Variants in MTPAP observed in about 807,000 individuals in gnomAD.
MTPAP encodes the protein poly(A) RNA polymerase, mitochondrial.
In MTPAP, 23 loss-of-function variants were observed where a neutral mutation model predicts 48.7. That is an observed-to-expected ratio of 0.47 (90% CI 0.34 to 0.67). The LOEUF is 0.67. Among genes scored for constraint, MTPAP ranks in the 30% least tolerant of loss-of-function variants. The probability of loss-of-function intolerance (pLI) is 0.01; values close to 1 mark genes in which losing one functional copy is unlikely to be tolerated. For synonymous variants in MTPAP, 257 were observed against 254.1 expected (o/e 1.01, Z -0.11); for missense variants, 614 against 694.3 (o/e 0.88, Z 1.30).
At chr10:30,329,177 G>A (rs1834634538) in intron 4 of MTPAP, among the ~76,000 whole-genome samples, 1 of 151,980 alleles carries the variant, frequency 6.6e-6, no homozygotes, top group Non-Finnish European at 1.5e-5. Context: ...GAACCCAGGA[G>A]GCCAAGGTTG....
rs1366369753 is a variant in MTPAP, at chr10:30,340,227, C to CT, written c.553dup (p.Ser185LysfsTer21). On this transcript the variant is annotated frameshift_variant and splice_region_variant, in exon 3 of 9. Transcript: ENST00000263063. LOFTEE classifies it high-confidence loss of function. Reference sequence around the variant, plus strand: ...GTTGAGGTACACCTAAAAACTTACACTTTCTGCATAACAAAGTAATTCAAA... The same window carrying CT: ...GTTGAGGTACACCTAAAAACTTACACTTTTCTGCATAACAAAGTAATTCAAA... The CT allele has an allele frequency of 6.2e-7, 1 of 1,611,816 alleles. No homozygotes were observed. Among genetic ancestry groups the CT allele is most frequent in the Admixed American group, 1.7e-5 (1 of 60,016 alleles).
chr10:30,322,677 A>C, intron 5 of MTPAP, 60 bp from the exon 6 acceptor site: 1 of 1,214,696 alleles, frequency 8.2e-7, no homozygotes, highest in East Asian at 2.5e-5. Flanking sequence ...CAAGGGTAAA[A>C]TTAAACTCAA....
Position 30,339,372 on chromosome 10 carries a change from A to G in MTPAP, c.555+854T>C, listed in dbSNP as rs1262429890. On this transcript the variant is annotated intron_variant, in intron 3 of 8. Coordinates refer to ENST00000263063, the MANE Select transcript of MTPAP (RefSeq NM_018109.4). ...TGTGGTGGTGCACACCTGTAGTCCC[A>G]GCTACTTGGGCAGCTGAGGCATGAG... 3.3e-5 allele frequency among the ~76,000 whole-genome samples: 5 copies of G among 151,438 alleles called. No homozygotes were observed. In the East Asian group the frequency reaches 5.8e-4, roughly 18 times the overall value.
chr10:30,328,083 C>T (rs11007987), intron 4 of MTPAP, among the ~76,000 whole-genome samples: 17,148 of 152,084 alleles, frequency 0.11, 1,790 homozygotes, highest in East Asian at 0.52. Context: ...GCAAATAACA[C>T]ACATCATACA....
In MTPAP at chr10:30,323,526, T is replaced by C. The variant is rs369301680; in HGVS notation, c.993-909A>G. Reference sequence around the variant, plus strand: ...TCAGAATATGTATGTATTTATTTATTTGAGACGGAGTCTCGCTCTGTCGCC... The same window carrying C: ...TCAGAATATGTATGTATTTATTTATCTGAGACGGAGTCTCGCTCTGTCGCC... On this transcript the variant is annotated intron_variant, in intron 5 of 8. Coordinates refer to ENST00000263063, the MANE Select transcript of MTPAP (RefSeq NM_018109.4). 3.9e-5 allele frequency among the ~76,000 whole-genome samples: 6 copies of C among 152,248 alleles called. No individual in the cohort carries two copies. In the East Asian group the frequency reaches 9.7e-4, roughly 24 times the overall value.
intron 1 of MTPAP, among the ~76,000 whole-genome samples, chr10:30,342,970 G>A (rs970362479): frequency 1.3e-5 from 2 of 152,176 alleles, no homozygotes; most frequent in African/African-American, 2.4e-5. Context: ...GTCAACAAAT[G>A]AACTAAGTAT....
chr10:30,322,295 TA>T, intron 6 of MTPAP, 95 bp downstream of exon 6: 10 of 1,089,116 alleles, frequency 9.2e-6, no homozygotes, highest in Non-Finnish European at 1.3e-5. Flanking sequence ...ATTTTATGAC[TA>T]ATAAACAAAT....
intron 3 of MTPAP, 75 bp from the exon 4 acceptor site, chr10:30,337,102 A>C: frequency 1.5e-6 from 2 of 1,312,150 alleles, no homozygotes; most frequent in Middle Eastern, 5.1e-4. Flanking sequence ...TTTACTTTCA[A>C]AGATTTGGTG....
intron 1 of MTPAP, among the ~76,000 whole-genome samples, chr10:30,347,003 T>C (rs897492753): frequency 2.0e-5 from 3 of 152,216 alleles, no homozygotes; most frequent in African/African-American, 7.2e-5. Flanking sequence ...GTCAAACCAA[T>C]TGACCTTAAA....
intron 5 of MTPAP, among the ~76,000 whole-genome samples, chr10:30,324,710 T>G (rs1010612230): frequency 6.6e-6 from 1 of 151,818 alleles, no homozygotes; most frequent in Admixed American, 6.6e-5. Context: ...TTAAAAAGAA[T>G]AGAAGAAACA....
At position 30,313,601 on chromosome 10, in the gene MTPAP, A is replaced by G; in HGVS notation, c.*8T>C. The G allele has an allele frequency of 1.2e-6, 2 of 1,614,176 alleles. No individual in the cohort carries two copies. Among genetic ancestry groups the G allele is most frequent in the Middle Eastern group, 1.6e-4 (1 of 6,062 alleles). On this transcript the variant is annotated 3_prime_UTR_variant, in exon 9 of 9. Transcript: ENST00000263063. ...CTAAGCCCAGTTCTTTACACAATGTAGCAGCCATCATGTCTGAGTACTAAT... is the reference window on the plus strand; with the variant it reads ...CTAAGCCCAGTTCTTTACACAATGTGGCAGCCATCATGTCTGAGTACTAAT...
At position 30,340,179 on chromosome 10, in the gene MTPAP, T is replaced by TA. The variant is rs766033144; in HGVS notation, c.555+46dup. The TA allele has an allele frequency of 4.9e-6, 7 of 1,439,758 alleles. No homozygotes were observed. The African/African-American group carries it at 5.6e-5, about 12-fold the overall frequency. 89.2% of individuals were successfully genotyped at this position (1,439,758 alleles called of 1,614,324 possible). ...ATTTTACAGGAATCTTTATTGTTCA[T>TA]AAAAAAATACATAGTTCTAAAAGTT... On this transcript the variant is annotated intron_variant, in intron 3 of 8. Coordinates refer to ENST00000263063, the MANE Select transcript of MTPAP (RefSeq NM_018109.4).
rs1382822451 is a variant in MTPAP, at chr10:30,326,447, C to T, written c.969G>A (p.Gln323=). 1.2e-6 allele frequency: 2 copies of T among 1,614,116 alleles called. No homozygotes were observed. Among genetic ancestry groups the T allele is most frequent in the Non-Finnish European group, 1.7e-6 (2 of 1,180,002 alleles). The change falls in exon 5 of 9, where the codon CAG becomes CAA. Residue 323 remains glutamine, a synonymous_variant. Coordinates refer to ENST00000263063, the MANE Select transcript of MTPAP (RefSeq NM_018109.4). ...ACCTATTGTTCGTAGTCAAATCACA[C>T]TGAAATCCGGAGGCCTGGTGTGAGA... ...VRFSHQASGF[Q]CDLTTNNRIA... is the part of the protein sequence containing the mutation.
rs112568913 is a variant in MTPAP, at chr10:30,322,199, G to C, written c.1219+192C>G. 5.8e-3 allele frequency among the ~76,000 whole-genome samples: 880 copies of C among 152,154 alleles called. 13 individuals are homozygous for C. Among genetic ancestry groups the C allele is most frequent in the African/African-American group, 0.02 (827 of 41,526 alleles). On this transcript the variant is annotated intron_variant, in intron 6 of 8. Transcript: ENST00000263063. ...CTTGCCAACTGATACAAAGAAAACA[G>C]AACTCTCAAAAAATGCTAAAGGCCC...
intron 1 of MTPAP, among the ~76,000 whole-genome samples, chr10:30,346,770 C>G (rs1326142289): frequency 1.3e-5 from 2 of 152,150 alleles, no homozygotes; most frequent in Non-Finnish European, 2.9e-5. Context: ...GTGGAACTGT[C>G]ACACTTATCC....
intron 5 of MTPAP, among the ~76,000 whole-genome samples, chr10:30,326,078 T>C (rs749985937): frequency 3.3e-5 from 5 of 152,148 alleles, no homozygotes; most frequent in Non-Finnish European, 7.4e-5. Flanking sequence ...TTTCTTATTT[T>C]ACTTTTTTCT....
At chr10:30,341,960 C>A (rs1012896741) in intron 1 of MTPAP, among the ~76,000 whole-genome samples, 7 of 152,076 alleles carry the variant, frequency 4.6e-5, no homozygotes, top group Non-Finnish European at 8.8e-5. Context: ...AACAACGGGC[C>A]GGGCTTGGTG....
At chr10:30,321,925 T>C (rs1840730483) in intron 6 of MTPAP, among the ~76,000 whole-genome samples, 1 of 152,258 alleles carries the variant, frequency 6.6e-6, no homozygotes, top group African/African-American at 2.4e-5. Flanking sequence ...GTATGTCAAA[T>C]TTAAAATAAT....
At chr10:30,327,561 A>G (rs1834613373) in intron 4 of MTPAP, among the ~76,000 whole-genome samples, 1 of 151,530 alleles carries the variant, frequency 6.6e-6, no homozygotes, top group Non-Finnish European at 1.5e-5. Context: ...ACTCAAGTAA[A>G]TTCCCTGAGC....
Sources: allele counts gnomAD v4.1 joint callset (sites outside exome capture counted in the v4.1 genomes callset), GRCh38; gene constraint gnomAD v4.1.1; transcripts MANE v1.5; gene names NCBI Gene and HGNC (gene_info 2026-07-23, HGNC 2026-07-21).